The following SCFD2 variants were observed in gnomAD, a reference collection of about 807,000 sequenced individuals.
SCFD2 encodes sec1 family domain-containing protein 2.
Under a neutral mutation model 58.9 loss-of-function variants are expected in SCFD2, and 54 were observed. That is an observed-to-expected ratio of 0.92 (90% CI 0.74 to 1.15). The LOEUF (loss-of-function observed/expected upper bound fraction) is 1.15, where lower values mean the gene tolerates loss of function less well. Among genes scored for constraint, SCFD2 ranks in the 50% most tolerant of loss-of-function variants. SCFD2 has a pLI of 0.00. For missense variants in SCFD2, 805 were observed against 836.6 expected, an observed-to-expected ratio of 0.96 and a Z score of 0.47; for synonymous variants, 321 against 335.9, an observed-to-expected ratio of 0.96 and a Z score of 0.49.
intron 4 of SCFD2, among the ~76,000 whole-genome samples, chr4:53,252,833 G>C (rs1205376416): frequency 6.6e-6 from 1 of 152,100 alleles, no homozygotes; most frequent in Non-Finnish European, 1.5e-5. Context: ...CATGGGCAAG[G>C]ACTTCATGTC....
At chr4:52,924,188 A>G (rs1265409360) in intron 5 of SCFD2, among the ~76,000 whole-genome samples, 7 of 152,226 alleles carry the variant, frequency 4.6e-5, no homozygotes. Flanking sequence ...TATGAGAAGT[A>G]TGATATTCAT....
intron 5 of SCFD2, chr4:52,956,282 C>T (rs772124931): frequency 2.9e-5 from 13 of 456,082 alleles, no homozygotes; most frequent in South Asian, 1.2e-4. Flanking sequence ...GGAAGGGGAG[C>T]GGTGGCTGAG....
At chr4:53,233,190 T>G (rs1232455609) in intron 4 of SCFD2, among the ~76,000 whole-genome samples, 1 of 152,190 alleles carries the variant, frequency 6.6e-6, no homozygotes. Context: ...TTATGTCCTT[T>G]TATTCTTAGG....
intron 5 of SCFD2, among the ~76,000 whole-genome samples, chr4:53,128,603 T>C (rs1424839092): frequency 2.0e-5 from 3 of 152,016 alleles, no homozygotes; most frequent in Non-Finnish European, 2.9e-5. Context: ...TGAAGGGGAA[T>C]GGTAAGCAAG....
intron 3 of SCFD2, among the ~76,000 whole-genome samples, chr4:53,277,641 T>C (rs1731366978): frequency 1.3e-5 from 2 of 152,186 alleles, no homozygotes; most frequent in Admixed American, 1.3e-4. Flanking sequence ...CTTCTATAAC[T>C]ATGTTTTAGA....
intron 5 of SCFD2, among the ~76,000 whole-genome samples, chr4:53,083,736 C>T (rs1486729244): frequency 1.3e-5 from 2 of 152,170 alleles, no homozygotes; most frequent in Non-Finnish European, 2.9e-5. Context: ...GGTGACATCA[C>T]ATATCAGTAG....
intron 5 of SCFD2, among the ~76,000 whole-genome samples, chr4:52,936,938 T>C (rs553965011): frequency 4.6e-5 from 7 of 152,374 alleles, no homozygotes; most frequent in East Asian, 3.9e-4. Context: ...AAATATTTAT[T>C]GAGTGCTGAC....
intron 5 of SCFD2, among the ~76,000 whole-genome samples, chr4:52,993,755 T>C (rs890696561): frequency 1.3e-5 from 2 of 152,206 alleles, no homozygotes; most frequent in African/African-American, 2.4e-5. Flanking sequence ...ATAAAATTAA[T>C]TGGAATCATT....
At chr4:53,281,054 G>T (rs748754184) in intron 3 of SCFD2, among the ~76,000 whole-genome samples, 2 of 152,164 alleles carry the variant, frequency 1.3e-5, no homozygotes, top group African/African-American at 2.4e-5. Flanking sequence ...GCGGCCGTGC[G>T]CCCTGTTTTG....
chr4:53,229,211 A>T (rs1277350403), intron 4 of SCFD2, among the ~76,000 whole-genome samples: 3 of 152,194 alleles, frequency 2.0e-5, no homozygotes, highest in African/African-American at 7.2e-5. Context: ...TAATTTACAG[A>T]TTCAATGCCA....
intron 4 of SCFD2, among the ~76,000 whole-genome samples, chr4:53,250,823 C>A: frequency 6.6e-6 from 1 of 152,070 alleles, no homozygotes; most frequent in African/African-American, 2.4e-5. Context: ...CCTAACATCA[C>A]AATTAAAAGA....
Position 52,920,886 on chromosome 4 carries a change from G to T in SCFD2, c.1562-16C>A. 1 of 1,583,428 alleles carries T rather than the reference G, an allele frequency of 6.3e-7. No individual in the cohort carries two copies. Among genetic ancestry groups the T allele is most frequent in the Admixed American group, 1.8e-5 (1 of 56,324 alleles). ...GAGTCCCAGTCTGAAAAAATCCAGA[G>T]ATATTTTCTTGAGTGAGTAAATCTT... On this transcript the variant is annotated splice_polypyrimidine_tract_variant and intron_variant, in intron 5 of 8. Coordinates refer to ENST00000401642, the MANE Select transcript of SCFD2 (RefSeq NM_152540.4).
At chr4:53,213,072 A>C (rs1177480741) in intron 4 of SCFD2, among the ~76,000 whole-genome samples, 2 of 152,110 alleles carry the variant, frequency 1.3e-5, no homozygotes, top group African/African-American at 4.8e-5. Context: ...GTGTAAACGC[A>C]TCTGGTACAC....
At chr4:53,238,113 C>T (rs919271026) in intron 4 of SCFD2, among the ~76,000 whole-genome samples, 1 of 128,062 alleles carries the variant, frequency 7.8e-6, no homozygotes, top group African/African-American at 3.0e-5. Flanking sequence ...CTCCTCACTT[C>T]CCAGTAGGGG....
chr4:53,346,277 C>CTTTTTTTTTTTTTTTTTTTTTTTTTTT (rs58195090), intron 2 of SCFD2, among the ~76,000 whole-genome samples: 1 of 135,258 alleles, frequency 7.4e-6, no homozygotes, highest in Non-Finnish European at 1.6e-5. Flanking sequence ...CTTTTTTTTT[C>CTTTTTTTTTTTTTTTTTTTTTTTTTTT]TTTTTTTTTT....
chr4:53,138,190 T>C (rs1472418309), intron 5 of SCFD2, among the ~76,000 whole-genome samples: 1 of 152,212 alleles, frequency 6.6e-6, no homozygotes, highest in Non-Finnish European at 1.5e-5. Context: ...AACATCATTT[T>C]ATTCTCAGCA....
At chr4:53,307,271 G>A (rs1732544764) in intron 3 of SCFD2, among the ~76,000 whole-genome samples, 1 of 152,194 alleles carries the variant, frequency 6.6e-6, no homozygotes, top group African/African-American at 2.4e-5. Context: ...TGAAGCATAA[G>A]GCTAGAAGGC....
chr4:52,968,582 T>C (rs138383527), intron 5 of SCFD2, among the ~76,000 whole-genome samples: 79 of 152,364 alleles, frequency 5.2e-4, no homozygotes, highest in African/African-American at 1.7e-3. Context: ...AATTCTTTAC[T>C]GCAAGAAGGG....
intron 2 of SCFD2, among the ~76,000 whole-genome samples, chr4:53,330,182 T>A (rs1577973617): frequency 1.3e-5 from 2 of 152,186 alleles, no homozygotes; most frequent in East Asian, 3.9e-4. Context: ...CAGGATATTA[T>A]CCAGGAGAAC....
Sources: gnomAD v4.1 joint callset for allele counts (sites outside exome capture counted in the v4.1 genomes callset) on GRCh38, gnomAD v4.1.1 for gene constraint, MANE v1.5 for transcripts, NCBI Gene and HGNC (gene_info 2026-07-23, HGNC 2026-07-21) for gene names.